Variants in SYNPR observed in about 807,000 individuals in gnomAD.
The protein encoded by SYNPR is synaptoporin.
A neutral mutation model predicts 32.9 loss-of-function variants in SYNPR; 23 were observed. The observed-to-expected ratio is 0.70, with a 90% CI of 0.50 to 0.99. SYNPR has a LOEUF of 0.99. Ranked by LOEUF, SYNPR falls within the 50% of genes least tolerant of loss-of-function variation. The pLI, the probability that SYNPR is intolerant of heterozygous loss-of-function variation, is 0.00. For missense variants in SYNPR, 318 were observed against 349.3 expected (o/e 0.91, Z 0.71); for synonymous variants, 146 against 135.9 (o/e 1.07, Z -0.52).
intron 2 of SYNPR, among the ~76,000 whole-genome samples, chr3:63,340,442 C>T (rs1331049419): frequency 1.8e-5 from 2 of 111,744 alleles, no homozygotes; most frequent in African/African-American, 6.6e-5. Flanking sequence ...TTTTTTGAGA[C>T]GGAGTCTCAC....
intron 3 of SYNPR, among the ~76,000 whole-genome samples, chr3:63,527,381 T>C (rs979080680): frequency 4.3e-5 from 6 of 139,328 alleles, no homozygotes; most frequent in Admixed American, 3.0e-4. Flanking sequence ...TTCCTTTCCA[T>C]TAAAAAAAAA....
intron 2 of SYNPR, among the ~76,000 whole-genome samples, chr3:63,349,158 A>G (rs1361096803): frequency 6.6e-6 from 1 of 151,756 alleles, no homozygotes; most frequent in African/African-American, 2.4e-5. Context: ...ACTGGAGTGC[A>G]GTGGCAAGAT....
intron 3 of SYNPR, among the ~76,000 whole-genome samples, chr3:63,533,851 C>A (rs1006208673): frequency 2.0e-5 from 3 of 152,088 alleles, no homozygotes; most frequent in Non-Finnish European, 4.4e-5. Context: ...TGCAGTCTCT[C>A]CAAGAGATGT....
chr3:63,373,434 A>C (rs1185660768), intron 2 of SYNPR, among the ~76,000 whole-genome samples: 1 of 152,198 alleles, frequency 6.6e-6, no homozygotes, highest in Non-Finnish European at 1.5e-5. Flanking sequence ...TCATAATGCA[A>C]TCACAAGTAT....
chr3:63,280,974 T>C (rs2086625509), intron 2 of SYNPR, among the ~76,000 whole-genome samples: 1 of 152,186 alleles, frequency 6.6e-6, no homozygotes, highest in Non-Finnish European at 1.5e-5. Context: ...TTGGTTGACC[T>C]ACATTTTAAA....
intron 2 of SYNPR, among the ~76,000 whole-genome samples, chr3:63,256,413 A>G (rs1441757420): frequency 1.3e-5 from 2 of 152,208 alleles, no homozygotes; most frequent in Non-Finnish European, 2.9e-5. Context: ...CTGTTCACCA[A>G]TATCCGCTGT....
At chr3:63,373,842 T>G (rs967432439) in intron 2 of SYNPR, among the ~76,000 whole-genome samples, 1 of 152,170 alleles carries the variant, frequency 6.6e-6, no homozygotes. Context: ...AAGGGGCTGG[T>G]CACCTACAAA....
chr3:63,480,652 C>T (rs1483727003), intron 2 of SYNPR, among the ~76,000 whole-genome samples, 180 bp from the exon 3 acceptor site: 2 of 152,136 alleles, frequency 1.3e-5, no homozygotes, highest in African/African-American at 4.8e-5. Flanking sequence ...TTATTTTAGA[C>T]ACCATGTCCC....
chr3:63,410,523 C>A (rs537310703), intron 2 of SYNPR, among the ~76,000 whole-genome samples: 1 of 152,108 alleles, frequency 6.6e-6, no homozygotes, highest in Non-Finnish European at 1.5e-5. Context: ...GGAAGATGAG[C>A]AAGATACCAA....
intron 2 of SYNPR, among the ~76,000 whole-genome samples, chr3:63,432,818 AT>A (rs1448465913): frequency 2.6e-5 from 4 of 152,196 alleles, no homozygotes; most frequent in Non-Finnish European, 5.9e-5. Flanking sequence ...GTGACAAGTT[AT>A]GGTGGCCTTC....
At chr3:63,393,332 A>G (rs2088164609) in intron 2 of SYNPR, among the ~76,000 whole-genome samples, 1 of 152,180 alleles carries the variant, frequency 6.6e-6, no homozygotes, top group African/African-American at 2.4e-5. Flanking sequence ...AAAAAGTACA[A>G]TTAGTGAATC....
At chr3:63,443,356 G>A in intron 2 of SYNPR, 1 of 1,546,304 alleles carries the variant, frequency 6.5e-7, no homozygotes, top group South Asian at 1.2e-5. Flanking sequence ...CAAGTGGCTG[G>A]TGCTGTGGAC....
At chr3:63,348,350 T>G (rs758664300) in intron 2 of SYNPR, among the ~76,000 whole-genome samples, 6 of 152,216 alleles carry the variant, frequency 3.9e-5, no homozygotes, top group Non-Finnish European at 7.3e-5. Context: ...TCTAGTCATA[T>G]GCTTTGCCCA....
intron 2 of SYNPR, among the ~76,000 whole-genome samples, chr3:63,354,672 AT>A (rs2087551515): frequency 6.6e-6 from 1 of 152,218 alleles, no homozygotes; most frequent in Admixed American, 6.5e-5. Flanking sequence ...ATATTAATGT[AT>A]GTTGTGTTCT....
chr3:63,269,848 T>G (rs1213924754), intron 3 of SYNPR, among the ~76,000 whole-genome samples: 1 of 152,242 alleles, frequency 6.6e-6, no homozygotes, highest in East Asian at 1.9e-4. Flanking sequence ...GTCCATATTT[T>G]CTACCTTCAA....
chr3:63,256,432 C>T (rs913552027), intron 2 of SYNPR, among the ~76,000 whole-genome samples: 31 of 152,332 alleles, frequency 2.0e-4, no homozygotes, highest in African/African-American at 7.0e-4. Context: ...GTTCTGCAGC[C>T]TCTGCTGCTG....
chr3:63,523,785 G>A (rs1165671318), intron 3 of SYNPR, among the ~76,000 whole-genome samples: 2 of 152,066 alleles, frequency 1.3e-5, no homozygotes, highest in African/African-American at 4.8e-5. Flanking sequence ...TATCACCCCT[G>A]CTCACTATGA....
intron 1 of SYNPR, among the ~76,000 whole-genome samples, chr3:63,239,330 G>A (rs2086221244): frequency 6.6e-6 from 1 of 151,512 alleles, no homozygotes; most frequent in African/African-American, 2.4e-5. Context: ...CCATTGTCAG[G>A]TGTGTCATGC....
intron 2 of SYNPR, among the ~76,000 whole-genome samples, chr3:63,284,709 C>T (rs1370825864): frequency 6.6e-6 from 1 of 152,264 alleles, no homozygotes; most frequent in African/African-American, 2.4e-5. Context: ...ATATTAATAA[C>T]ATTTATAATT....
Sources: gnomAD v4.1 joint callset for allele counts (sites outside exome capture counted in the v4.1 genomes callset) on GRCh38, gnomAD v4.1.1 for gene constraint, MANE v1.5 for transcripts, NCBI Gene and HGNC (gene_info 2026-07-23, HGNC 2026-07-21) for gene names.